Variants in CTNNA2 observed in about 807,000 individuals in gnomAD.
CTNNA2 encodes the protein catenin alpha-2.
CTNNA2 carries 42 observed loss-of-function variants against 101.0 expected under a neutral mutation model. The observed-to-expected ratio is 0.42, with a 90% CI of 0.32 to 0.54. CTNNA2 has a LOEUF of 0.54. Ranked by LOEUF, CTNNA2 falls within the 20% of genes least tolerant of loss-of-function variation. The pLI is 0.14. For missense variants in CTNNA2, 871 were observed against 1,223.1 expected (o/e 0.71, Z 4.29); for synonymous variants, 450 against 456.4 (o/e 0.99, Z 0.18).
chr2:79,504,872 C>T (rs1671379208), intron 4 of CTNNA2, among the ~76,000 whole-genome samples: 1 of 152,136 alleles, frequency 6.6e-6, no homozygotes. Flanking sequence ...TGCCGCTTTT[C>T]CCACCATTCT....
At chr2:79,272,349 G>A (rs1675103952) in intron 2 of CTNNA2, among the ~76,000 whole-genome samples, 1 of 151,744 alleles carries the variant, frequency 6.6e-6, no homozygotes, top group Non-Finnish European at 1.5e-5. Flanking sequence ...AAAAAAGAGA[G>A]CAGAACAAAA....
At chr2:79,928,146 A>C (rs1054115766) in intron 7 of CTNNA2, among the ~76,000 whole-genome samples, 1 of 152,094 alleles carries the variant, frequency 6.6e-6, no homozygotes, top group East Asian at 1.9e-4. Flanking sequence ...GTGAGCATTA[A>C]ATTTCATTAA....
At chr2:79,914,269 G>C (rs904203888) in intron 7 of CTNNA2, among the ~76,000 whole-genome samples, 20 of 150,164 alleles carry the variant, frequency 1.3e-4, no homozygotes, top group Non-Finnish European at 2.2e-4. Flanking sequence ...GAAAAATTTT[G>C]TTTCAACGTT....
chr2:79,874,313 G>T lies in CTNNA2; in HGVS notation c.823G>T (p.Glu275Ter). The T allele has an allele frequency of 1.9e-6, 3 of 1,613,936 alleles. No individual in the cohort carries two copies. The highest frequency in any genetic ancestry group is 2.5e-6 in the Non-Finnish European group (3 of 1,180,022). Residue 275 changes from glutamate (E) to a stop codon, truncating the protein, a stop_gained, in exon 6 of 19, where the codon GAG becomes TAG. Coordinates refer to ENST00000402739, the MANE Select transcript of CTNNA2 (RefSeq NM_001282597.3). LOFTEE classifies it high-confidence loss of function. ...DEAKGHTGIG[E>*]LAAALNEFDN... ...AGCCAAGGGCCACACGGGCATCGGC[G>T]AGCTGGCTGCGGCTCTTAATGAGTT...
chr2:79,790,405 G>T (rs12996687), intron 3 of CTNNA2, among the ~76,000 whole-genome samples: 31,379 of 152,028 alleles, frequency 0.21, 3,405 homozygotes, highest in East Asian at 0.28. Flanking sequence ...AGAATAATTG[G>T]TAACCTTTGT....
At chr2:80,049,293 C>T (rs1189786870) in intron 7 of CTNNA2, among the ~76,000 whole-genome samples, 1 of 151,974 alleles carries the variant, frequency 6.6e-6, no homozygotes, top group African/African-American at 2.4e-5. Flanking sequence ...GCTCTGCGAC[C>T]CTGAAGTCAT....
At chr2:79,866,391 G>A (rs1682101181) in intron 4 of CTNNA2, 1 of 152,262 alleles carries the variant, frequency 6.6e-6, no homozygotes, top group South Asian at 2.1e-4. Context: ...GTCAGCGGGA[G>A]AAGAATGCCT....
chr2:79,990,786 G>T (rs1426721453), intron 7 of CTNNA2, among the ~76,000 whole-genome samples: 1 of 152,128 alleles, frequency 6.6e-6, no homozygotes, highest in East Asian at 1.9e-4. Flanking sequence ...GATGATGCTG[G>T]CCTCATAAAA....
intron 3 of CTNNA2, among the ~76,000 whole-genome samples, chr2:79,811,284 A>G (rs1677012321): frequency 1.3e-5 from 2 of 152,096 alleles, no homozygotes; most frequent in Admixed American, 6.5e-5. Context: ...TCCAGTGATG[A>G]TGAGCATTTT....
At chr2:79,694,445 T>C (rs1373481163) in intron 2 of CTNNA2, among the ~76,000 whole-genome samples, 1 of 152,006 alleles carries the variant, frequency 6.6e-6, no homozygotes, top group Non-Finnish European at 1.5e-5. Context: ...GAATTTATTT[T>C]TGATTCAGAG....
intron 3 of CTNNA2, among the ~76,000 whole-genome samples, chr2:79,792,201 C>T (rs1180650267): frequency 6.6e-6 from 1 of 152,150 alleles, no homozygotes; most frequent in Non-Finnish European, 1.5e-5. Context: ...GGATCTCTCA[C>T]ATTTCTGCAC....
intron 9 of CTNNA2, among the ~76,000 whole-genome samples, chr2:80,469,958 A>G (rs557451946): frequency 6.6e-6 from 1 of 152,272 alleles, no homozygotes; most frequent in African/African-American, 2.4e-5. Context: ...AGAATGGGGC[A>G]ATAGCAATAT....
intron 1 of CTNNA2, among the ~76,000 whole-genome samples, chr2:79,649,604 A>G (rs1208318719): frequency 6.6e-6 from 1 of 152,182 alleles, no homozygotes; most frequent in African/African-American, 2.4e-5. Context: ...AGAATTCTGT[A>G]TATGACAGAG....
intron 2 of CTNNA2, among the ~76,000 whole-genome samples, chr2:79,204,253 C>A (rs75711626): frequency 0.054 from 8,230 of 152,274 alleles, 338 homozygotes; most frequent in East Asian, 0.15. Flanking sequence ...CTCAGGAATG[C>A]CACGCTGACC....
intron 7 of CTNNA2, among the ~76,000 whole-genome samples, chr2:80,366,351 A>G (rs531381555): frequency 1.3e-5 from 2 of 152,248 alleles, no homozygotes; most frequent in South Asian, 2.1e-4. Context: ...TTTATTTGTC[A>G]CTGTCAGTGC....
intron 7 of CTNNA2, among the ~76,000 whole-genome samples, chr2:80,106,800 G>T (rs1417480134): frequency 6.6e-6 from 1 of 152,144 alleles, no homozygotes; most frequent in Non-Finnish European, 1.5e-5. Flanking sequence ...AGAGGCGCCT[G>T]GCGTAAGATG....
At chr2:80,472,641 G>A (rs575059770) in intron 9 of CTNNA2, among the ~76,000 whole-genome samples, 1 of 152,264 alleles carries the variant, frequency 6.6e-6, no homozygotes, top group Non-Finnish European at 1.5e-5. Flanking sequence ...AACTCTTGGA[G>A]GAGGAAGGAA....
At chr2:80,441,843 G>A (rs1421192562) in intron 9 of CTNNA2, among the ~76,000 whole-genome samples, 1 of 152,208 alleles carries the variant, frequency 6.6e-6, no homozygotes, top group African/African-American at 2.4e-5. Context: ...ATTCAGAAGA[G>A]GCAAGAGGTG....
At chr2:79,676,621 A>G (rs1191649173) in intron 2 of CTNNA2, among the ~76,000 whole-genome samples, 2 of 152,064 alleles carry the variant, frequency 1.3e-5, no homozygotes, top group Admixed American at 1.3e-4. Flanking sequence ...GATGCCCCCT[A>G]TGGCCTCTGC....
Sources: gnomAD v4.1 joint callset for allele counts (sites outside exome capture counted in the v4.1 genomes callset) on GRCh38, gnomAD v4.1.1 for gene constraint, MANE v1.5 for transcripts, NCBI Gene and HGNC (gene_info 2026-07-23, HGNC 2026-07-21) for gene names.